Variants in RAP1GDS1 observed in about 807,000 individuals in gnomAD.
RAP1GDS1 encodes RAP1, GTP-GDP dissociation stimulator 1.
A neutral mutation model predicts 71.1 loss-of-function variants in RAP1GDS1; 35 were observed. The observed-to-expected ratio is 0.49, with a 90% CI of 0.38 to 0.65. RAP1GDS1 has a LOEUF of 0.65. RAP1GDS1 is among the 30% of genes least tolerant of loss of function. RAP1GDS1 has a pLI of 0.00. For missense variants in RAP1GDS1, 663 were observed against 706.1 expected, an observed-to-expected ratio of 0.94 and a Z score of 0.69; for synonymous variants, 229 against 243.1, an observed-to-expected ratio of 0.94 and a Z score of 0.54.
At chr4:98,336,357 A>T (rs1734724709) in intron 2 of RAP1GDS1, among the ~76,000 whole-genome samples, 1 of 152,154 alleles carries the variant, frequency 6.6e-6, no homozygotes, top group African/African-American at 2.4e-5. Context: ...CTTAGTGGTA[A>T]TTTTAAAGAA....
At chr4:98,272,036 C>A (rs1257242657) in intron 1 of RAP1GDS1, among the ~76,000 whole-genome samples, 5 of 152,134 alleles carry the variant, frequency 3.3e-5, no homozygotes, top group African/African-American at 4.8e-5. Context: ...ATTGTCAAGA[C>A]CTTCCCAGGT....
At chr4:98,316,710 A>G (rs957321516) in intron 2 of RAP1GDS1, among the ~76,000 whole-genome samples, 2 of 152,184 alleles carry the variant, frequency 1.3e-5, no homozygotes, top group East Asian at 1.9e-4. Context: ...AGCTAAGAAA[A>G]TACAACTTTA....
At chr4:98,264,244 C>T (rs1722410698) in intron 1 of RAP1GDS1, among the ~76,000 whole-genome samples, 1 of 151,848 alleles carries the variant, frequency 6.6e-6, no homozygotes, top group Non-Finnish European at 1.5e-5. Context: ...TACAAAAAAA[C>T]AATTAGCCGG....
At chr4:98,361,825 A>G (rs1738793109) in intron 4 of RAP1GDS1, among the ~76,000 whole-genome samples, 1 of 152,234 alleles carries the variant, frequency 6.6e-6, no homozygotes, top group Non-Finnish European at 1.5e-5. Context: ...AAACCTGAAT[A>G]TAATGTCACA....
intron 3 of RAP1GDS1, among the ~76,000 whole-genome samples, chr4:98,347,869 G>A (rs1215106094): frequency 5.9e-5 from 9 of 152,204 alleles, no homozygotes; most frequent in African/African-American, 2.2e-4. Context: ...AGGTGTGAAT[G>A]TAGAGGTATA....
intron 2 of RAP1GDS1, among the ~76,000 whole-genome samples, chr4:98,307,059 ATAAT>A (rs1219033433): frequency 6.6e-6 from 1 of 152,010 alleles, no homozygotes; most frequent in Admixed American, 6.6e-5. Flanking sequence ...TCTTCTTATT[ATAAT>A]TAATTTATTT....
chr4:98,395,229 A>G (rs574524221), intron 6 of RAP1GDS1, among the ~76,000 whole-genome samples: 1 of 152,224 alleles, frequency 6.6e-6, no homozygotes, highest in South Asian at 2.1e-4. Context: ...TATTTTTACT[A>G]TATATATAAT....
chr4:98,334,755 A>G (rs1734461413), intron 2 of RAP1GDS1, among the ~76,000 whole-genome samples: 1 of 152,064 alleles, frequency 6.6e-6, no homozygotes, highest in African/African-American at 2.4e-5. Context: ...TTACATTTCC[A>G]AAAGATACTT....
chr4:98,364,121 C>T (rs1000908612), intron 4 of RAP1GDS1, among the ~76,000 whole-genome samples: 6 of 151,920 alleles, frequency 3.9e-5, no homozygotes, highest in South Asian at 4.2e-4. Flanking sequence ...GGCACATAGG[C>T]GATTTCTATA....
At chr4:98,328,358 A>G (rs949464014) in intron 2 of RAP1GDS1, among the ~76,000 whole-genome samples, 1 of 152,246 alleles carries the variant, frequency 6.6e-6, no homozygotes, top group Non-Finnish European at 1.5e-5. Context: ...ACTATTATAT[A>G]AAAGTCTTGT....
At chr4:98,329,758 C>T (rs150453042) in intron 2 of RAP1GDS1, among the ~76,000 whole-genome samples, 7 of 138,766 alleles carry the variant, frequency 5.0e-5, no homozygotes, top group African/African-American at 1.9e-4. Context: ...CATTGCATTC[C>T]AGCCCGGGTG....
At chr4:98,388,730 A>AT (rs949213382) in intron 5 of RAP1GDS1, among the ~76,000 whole-genome samples, 8 of 149,982 alleles carry the variant, frequency 5.3e-5, no homozygotes, top group African/African-American at 4.9e-5. Context: ...CGTCTCAAAA[A>AT]TTTTTTTTTT....
intron 4 of RAP1GDS1, among the ~76,000 whole-genome samples, chr4:98,368,371 T>C (rs1739845098): frequency 1.3e-5 from 2 of 152,182 alleles, no homozygotes; most frequent in Non-Finnish European, 2.9e-5. Flanking sequence ...ACTGTATGTA[T>C]TACCTCATCT....
chr4:98,443,192 G>A lies in RAP1GDS1; in HGVS notation c.*1075G>A, dbSNP rs943995884. On this transcript the variant is annotated 3_prime_UTR_variant, in exon 15 of 15. Coordinates refer to ENST00000408927, the MANE Select transcript of RAP1GDS1 (RefSeq NM_001100427.2). ...AAAGCAGGTTATAAAAGCCATAGTA[G>A]CCAGTCCAGTTCATTCTGCAGATGG... 1.3e-5 allele frequency: 3 copies of A among 232,174 alleles called. No homozygotes were observed. The highest frequency in any genetic ancestry group is 2.6e-5 in the Non-Finnish European group (3 of 117,626). The allele number at this position is 232,174 out of a possible 1,614,324, so 14.4% of individuals were successfully genotyped here. A position where few individuals can be genotyped will look rare whatever the true frequency, so the allele number is the denominator to read the frequency against.
intron 2 of RAP1GDS1, among the ~76,000 whole-genome samples, chr4:98,296,671 T>C (rs1727802402): frequency 6.6e-6 from 1 of 152,154 alleles, no homozygotes. Context: ...AGATTATAGT[T>C]AGAAGATTCT....
At chr4:98,327,941 A>T (rs1016594821) in intron 2 of RAP1GDS1, among the ~76,000 whole-genome samples, 1 of 152,230 alleles carries the variant, frequency 6.6e-6, no homozygotes, top group Non-Finnish European at 1.5e-5. Flanking sequence ...CAAAAATTTA[A>T]CAAGTAACAG....
rs1344461315 is a variant in RAP1GDS1, at chr4:98,442,851, C to T, written c.*734C>T. 1 of 230,584 alleles carries T rather than the reference C, an allele frequency of 4.3e-6. No homozygotes were observed. Among genetic ancestry groups the T allele is most frequent in the Non-Finnish European group, 8.6e-6 (1 of 116,580 alleles). 14.3% of individuals were successfully genotyped at this position (230,584 alleles called of 1,614,324 possible). On this transcript the variant is annotated 3_prime_UTR_variant, in exon 15 of 15. Coordinates refer to ENST00000408927, the MANE Select transcript of RAP1GDS1 (RefSeq NM_001100427.2). ...CACTATTACAATCCCTATTACAGAG[C>T]ATTTCGGGTTTTGCTTGTATTTTAG...
At chr4:98,360,061 C>G (rs1353746435) in intron 4 of RAP1GDS1, among the ~76,000 whole-genome samples, 1 of 152,064 alleles carries the variant, frequency 6.6e-6, no homozygotes, top group Admixed American at 6.6e-5. Flanking sequence ...ATTTAAATCC[C>G]TCTTTTATTA....
At chr4:98,408,100 ATATATT>A (rs1746418804) in intron 7 of RAP1GDS1, among the ~76,000 whole-genome samples, 1 of 141,018 alleles carries the variant, frequency 7.1e-6, no homozygotes, top group African/African-American at 2.9e-5. Context: ...TTATATATAT[ATATATT>A]TTTTTTTTTC....
Sources: allele counts gnomAD v4.1 joint callset (sites outside exome capture counted in the v4.1 genomes callset), GRCh38; gene constraint gnomAD v4.1.1; transcripts MANE v1.5; gene names NCBI Gene and HGNC (gene_info 2026-07-23, HGNC 2026-07-21).